The following CACNB4 variants were observed in gnomAD, a reference collection of about 807,000 sequenced individuals.
CACNB4 encodes the protein voltage-dependent L-type calcium channel subunit beta-4.
A neutral mutation model predicts 71.2 loss-of-function variants in CACNB4; 32 were observed. The observed-to-expected ratio is 0.45, with a 90% CI of 0.34 to 0.60. The LOEUF is 0.60. CACNB4 is among the 20% of genes least tolerant of loss of function. The probability of loss-of-function intolerance (pLI) is 0.01; values close to 1 mark genes in which losing one functional copy is unlikely to be tolerated. For missense variants in CACNB4, 464 were observed against 647.9 expected (o/e 0.72, Z 3.08); for synonymous variants, 231 against 236.9 (o/e 0.97, Z 0.23).
intron 2 of CACNB4, among the ~76,000 whole-genome samples, chr2:151,902,921 T>C (rs1387707686): frequency 6.6e-6 from 1 of 152,232 alleles, no homozygotes; most frequent in Non-Finnish European, 1.5e-5. Flanking sequence ...ACTATCGGGT[T>C]AAAATAATTG....
chr2:152,040,440 A>T (rs1684814855), intron 2 of CACNB4, among the ~76,000 whole-genome samples: 1 of 151,730 alleles, frequency 6.6e-6, no homozygotes, highest in South Asian at 2.1e-4. Flanking sequence ...ATTTTATTTT[A>T]TTTATTCATT....
Position 151,982,365 on chromosome 2 carries a change from G to T in CACNB4, c.148-98995C>A, listed in dbSNP as rs142070836. Among the ~76,000 whole-genome samples the T allele has an allele frequency of 3.3e-3, 507 of 152,240 alleles. 4 individuals carry two copies. Among genetic ancestry groups the T allele is most frequent in the African/African-American group, 0.012 (485 of 41,540 alleles). On this transcript the variant is annotated intron_variant, in intron 2 of 13. Transcript: ENST00000539935. ...ATACTGACTGCCAGCCGGGCACAGT[G>T]GCTCACACCTGTAATCCCAGCACTT...
At chr2:151,981,430 G>A (rs370436618) in intron 2 of CACNB4, among the ~76,000 whole-genome samples, 6 of 152,108 alleles carry the variant, frequency 3.9e-5, no homozygotes, top group Admixed American at 6.5e-5. Context: ...TTTCAGAGCC[G>A]CTGCAGATTT....
chr2:151,932,691 G>T (rs191878006), intron 2 of CACNB4, among the ~76,000 whole-genome samples: 1 of 151,940 alleles, frequency 6.6e-6, no homozygotes, highest in African/African-American at 2.4e-5. Flanking sequence ...AAAAATTAGC[G>T]TGGTGGCGTG....
At chr2:151,925,661 A>G (rs1292508827) in intron 2 of CACNB4, among the ~76,000 whole-genome samples, 1 of 146,304 alleles carries the variant, frequency 6.8e-6, no homozygotes, top group Non-Finnish European at 1.5e-5. Flanking sequence ...ATTTGCAAAC[A>G]TCCAAATATA....
chr2:151,912,463 G>A (rs2099856433), intron 2 of CACNB4, among the ~76,000 whole-genome samples: 1 of 14,762 alleles, frequency 6.8e-5, no homozygotes, highest in African/African-American at 8.0e-5. Context: ...CAATTTCCAT[G>A]TAATTGTGTG....
rs146476451 is a variant in CACNB4, at chr2:151,921,307, T to C, written c.148-37937A>G. ...GATGACAGCTGCAAATGCCAAATAA[T>C]GAATATCAAATGGTGAATCTTGGTT... On this transcript the variant is annotated intron_variant, in intron 2 of 13. Coordinates refer to ENST00000539935, the MANE Select transcript of CACNB4 (RefSeq NM_000726.5). 7.2e-4 allele frequency among the ~76,000 whole-genome samples: 109 copies of C among 152,008 alleles called. No homozygotes were observed. In the East Asian group the frequency reaches 0.02, roughly 27 times the overall value.
At chr2:152,068,774 C>T (rs1004490518) in intron 2 of CACNB4, among the ~76,000 whole-genome samples, 9 of 152,060 alleles carry the variant, frequency 5.9e-5, no homozygotes, top group African/African-American at 1.9e-4. Context: ...AGAATCCACA[C>T]CTATGTTTTC....
At chr2:152,075,297 C>T (rs1436839843) in intron 2 of CACNB4, among the ~76,000 whole-genome samples, 2 of 152,194 alleles carry the variant, frequency 1.3e-5, no homozygotes, top group African/African-American at 2.4e-5. Context: ...GCTGGTGTTG[C>T]TTCTGAAGAA....
chr2:152,033,668 A>G (rs572840159), intron 2 of CACNB4, among the ~76,000 whole-genome samples: 2 of 151,620 alleles, frequency 1.3e-5, no homozygotes, highest in East Asian at 1.9e-4. Context: ...AAACTTGGGG[A>G]AAAAAAATTT....
intron 7 of CACNB4, 66 bp downstream of exon 7, chr2:151,870,776 T>G: frequency 1.5e-6 from 2 of 1,362,610 alleles, no homozygotes; most frequent in Non-Finnish European, 2.1e-6. Flanking sequence ...GTCACTGAAA[T>G]GGAGCATTGC....
chr2:152,005,459 G>T (rs781068764), intron 2 of CACNB4, among the ~76,000 whole-genome samples: 1 of 152,176 alleles, frequency 6.6e-6, no homozygotes, highest in Non-Finnish European at 1.5e-5. Flanking sequence ...TTATAAGTGA[G>T]AGCTAAAATT....
At chr2:152,082,403 C>T (rs946693511) in intron 2 of CACNB4, among the ~76,000 whole-genome samples, 1 of 152,206 alleles carries the variant, frequency 6.6e-6, no homozygotes, top group African/African-American at 2.4e-5. Flanking sequence ...CTGCAAAATA[C>T]AGTCATTCCT....
intron 10 of CACNB4, 94 bp from the exon 11 acceptor site, chr2:151,855,469 C>T (rs1352770443): frequency 6.5e-6 from 6 of 926,408 alleles, no homozygotes; most frequent in Non-Finnish European, 7.7e-6. Flanking sequence ...TGTTGGTCTA[C>T]ATTACAAAAT....
chr2:151,969,038 G>A (rs2099871851), intron 2 of CACNB4: 1 of 152,128 alleles, frequency 6.6e-6, no homozygotes, highest in Admixed American at 6.5e-5. Flanking sequence ...TGAAGAGAAA[G>A]CCCTGTTTGT....
At chr2:152,083,333 C>CAAGG (rs529138391) in intron 2 of CACNB4, among the ~76,000 whole-genome samples, 348 of 131,606 alleles carry the variant, frequency 2.6e-3, no homozygotes, top group Non-Finnish European at 4.1e-3. Context: ...GCAAGGAAAG[C>CAAGG]AAGGAAGGAA....
At chr2:152,040,048 T>C (rs1159822116) in intron 2 of CACNB4, among the ~76,000 whole-genome samples, 1 of 152,214 alleles carries the variant, frequency 6.6e-6, no homozygotes, top group Admixed American at 6.5e-5. Context: ...ACAAAAATTG[T>C]ACTGGCTGAT....
At chr2:151,979,090 C>A (rs2099874278) in intron 2 of CACNB4, among the ~76,000 whole-genome samples, 2 of 152,090 alleles carry the variant, frequency 1.3e-5, no homozygotes, top group African/African-American at 4.8e-5. Flanking sequence ...CTGGACCACC[C>A]CACCCTGTCA....
intron 2 of CACNB4, among the ~76,000 whole-genome samples, chr2:151,925,634 G>A (rs2099860033): frequency 7.4e-6 from 1 of 135,044 alleles, no homozygotes. Flanking sequence ...GAGTAGGGTG[G>A]ATAGGTTGTT....
Sources: allele counts gnomAD v4.1 joint callset (sites outside exome capture counted in the v4.1 genomes callset), GRCh38; gene constraint gnomAD v4.1.1; transcripts MANE v1.5; gene names NCBI Gene and HGNC (gene_info 2026-07-23, HGNC 2026-07-21).